PAQR5: variants seen among roughly 807,000 people sequenced by gnomAD.
The protein encoded by PAQR5 is progestin and adipoQ receptor family member 5.
Under a neutral mutation model 34.5 loss-of-function variants are expected in PAQR5, and 20 were observed. That is an observed-to-expected ratio of 0.58 (90% confidence interval 0.41 to 0.84). PAQR5 has a LOEUF of 0.84. PAQR5 is among the 40% of genes least tolerant of loss of function. The pLI is 0.00. For synonymous variants in PAQR5, 131 were observed against 155.6 expected (o/e 0.84, Z 1.18); for missense variants, 378 against 412.7 (o/e 0.92, Z 0.73).
Position 69,398,275 on chromosome 15 carries a change from G to A in PAQR5, c.609+711G>A, listed in dbSNP as rs572429040. Among the ~76,000 whole-genome samples, 3 of 152,272 alleles carry A rather than the reference G, an allele frequency of 2.0e-5. No individual in the cohort carries two copies. In the East Asian group the frequency reaches 5.8e-4, roughly 29 times the overall value. On this transcript the variant is annotated intron_variant, in intron 7 of 8. Coordinates refer to ENST00000395407, the MANE Select transcript of PAQR5 (RefSeq NM_017705.4). ...GATGGAGAGCATAAAGGAAGAGAGTGTAGGAGGGACAACAAGTAGGACTAG... is the reference window on the plus strand; with the variant it reads ...GATGGAGAGCATAAAGGAAGAGAGTATAGGAGGGACAACAAGTAGGACTAG...
rs147616653 is a variant in PAQR5 at position 69,357,068 on chromosome 15, C to T, written c.-115-2898C>T. On this transcript the variant is annotated intron_variant, in intron 2 of 8. Transcript: ENST00000395407. ...CTCCCCACCCACTGTCTCTCTCTCT[C>T]TCTTTCTCTCTTGCTCCTGCTTTCG... 5.0e-4 allele frequency among the ~76,000 whole-genome samples: 76 copies of T among 152,134 alleles called. 2 individuals are homozygous for T. In the East Asian group the frequency reaches 0.014, roughly 28 times the overall value.
chr15:69,401,022 A>C (rs921357978), intron 8 of PAQR5: 1 of 152,222 alleles, frequency 6.6e-6, no homozygotes, highest in Non-Finnish European at 1.5e-5. Flanking sequence ...TTAAGTTTGA[A>C]GTGATCTGGT....
chr15:69,348,594 T>G (rs2054832357), intron 2 of PAQR5, among the ~76,000 whole-genome samples: 1 of 152,174 alleles, frequency 6.6e-6, no homozygotes, highest in South Asian at 2.1e-4. Flanking sequence ...CTGTGAGGGT[T>G]AATTTTAGGT....
intron 3 of PAQR5, among the ~76,000 whole-genome samples, chr15:69,364,435 AAT>A (rs775777356): frequency 1.2e-4 from 16 of 133,058 alleles, no homozygotes; most frequent in African/African-American, 2.8e-4. Flanking sequence ...AAACAAAACA[AAT>A]ATATATATAT....
At chr15:69,394,727 C>A (rs2056367338) in intron 6 of PAQR5, among the ~76,000 whole-genome samples, 1 of 152,340 alleles carries the variant, frequency 6.6e-6, no homozygotes. Flanking sequence ...GGCTGTGGGG[C>A]CGCACGTGGG....
At chr15:69,300,658 CTTTCTTTCATTCTT>C (rs1216323241) in intron 1 of PAQR5, among the ~76,000 whole-genome samples, 7 of 26,836 alleles carry the variant, frequency 2.6e-4, no homozygotes, top group South Asian at 1.5e-3. Flanking sequence ...TCTTTTCTTT[CTTTCTTTCATTCTT>C]TCTCTTCCTT....
At chr15:69,355,531 C>T (rs2055054971) in intron 2 of PAQR5, among the ~76,000 whole-genome samples, 1 of 151,682 alleles carries the variant, frequency 6.6e-6, no homozygotes, top group South Asian at 2.1e-4. Context: ...AGAGAGTCCC[C>T]TGCCTCAGCC....
intron 1 of PAQR5, among the ~76,000 whole-genome samples, chr15:69,300,916 TCTC>T (rs1349520275): frequency 1.0e-4 from 1 of 10,048 alleles, no homozygotes; most frequent in African/African-American, 1.5e-4. Context: ...TTCCTTCCTT[TCTC>T]TCTCTCTCTC....
chr15:69,350,931 T>A (rs1481136191), intron 2 of PAQR5, among the ~76,000 whole-genome samples: 1 of 152,222 alleles, frequency 6.6e-6, no homozygotes, highest in Non-Finnish European at 1.5e-5. Context: ...CATGGACTGC[T>A]AGACACCGGC....
intron 2 of PAQR5, among the ~76,000 whole-genome samples, chr15:69,341,956 CT>C (rs2054655475): frequency 6.6e-6 from 1 of 151,950 alleles, no homozygotes; most frequent in Admixed American, 6.6e-5. Flanking sequence ...GTTTCAGCCC[CT>C]TTCACTTCTT....
intron 6 of PAQR5, chr15:69,391,634 C>T (rs2056275814): frequency 2.2e-6 from 1 of 455,926 alleles, no homozygotes; most frequent in Non-Finnish European, 4.4e-6. Flanking sequence ...GGACCAGTCA[C>T]TGCCCCATCT....
At chr15:69,359,542 A>T (rs2055177809) in intron 2 of PAQR5, among the ~76,000 whole-genome samples, 1 of 152,082 alleles carries the variant, frequency 6.6e-6, no homozygotes, top group South Asian at 2.1e-4. Flanking sequence ...TGGTAATTAG[A>T]TGGGAACAAA....
At chr15:69,381,801 G>T (rs187593730) in intron 4 of PAQR5, among the ~76,000 whole-genome samples, 159 of 152,288 alleles carry the variant, frequency 1.0e-3, no homozygotes, top group Middle Eastern at 3.4e-3. Flanking sequence ...TTTACTTCCC[G>T]CTGGGACAAA....
intron 1 of PAQR5, among the ~76,000 whole-genome samples, chr15:69,322,976 G>A (rs2140617922): frequency 6.7e-6 from 1 of 150,360 alleles, no homozygotes; most frequent in South Asian, 2.1e-4. Context: ...CAGGAGGGCA[G>A]GCATATGGCA....
At chr15:69,392,404 T>C (rs2056299577) in intron 6 of PAQR5, among the ~76,000 whole-genome samples, 1 of 152,208 alleles carries the variant, frequency 6.6e-6, no homozygotes, top group African/African-American at 2.4e-5. Context: ...GCCAGACATC[T>C]CCTGGGTGCC....
Position 69,361,893 on chromosome 15 carries a change from T to C in PAQR5, c.51+1762T>C, listed in dbSNP as rs150468113. On this transcript the variant is annotated intron_variant, in intron 3 of 8. Transcript: ENST00000395407. ...CAGGATTGTGGAAGTGGGGAGAGCA[T>C]TCCAGGTGGAAGGAGCAGTGTGAGC... 1.0e-3 allele frequency among the ~76,000 whole-genome samples: 153 copies of C among 151,826 alleles called. No homozygotes were observed. In the East Asian group the frequency reaches 0.025, roughly 25 times the overall value.
rs942848967 is a variant in PAQR5 at position 69,337,452 on chromosome 15, G to A, written c.-165G>A. The A allele has an allele frequency of 5.9e-5, 9 of 152,228 alleles. No individual in the cohort carries two copies. Among genetic ancestry groups the A allele is most frequent in the Non-Finnish European group, 1.0e-4 (7 of 68,038 alleles). 9.4% of individuals were successfully genotyped at this position (152,228 alleles called of 1,614,324 possible). A position where few individuals can be genotyped will look rare whatever the true frequency, so the allele number is the denominator to read the frequency against. On this transcript the variant is annotated 5_prime_UTR_variant, in exon 2 of 9. Coordinates refer to ENST00000395407, the MANE Select transcript of PAQR5 (RefSeq NM_017705.4). ...CAATTAAAGCCCTTTGGGGAATCTG[G>A]CCTCATACCTTGTCCACACAGAGTT... is the stretch of plus-strand genomic sequence containing the variant.
intron 5 of PAQR5, among the ~76,000 whole-genome samples, chr15:69,386,868 C>G (rs946224311): frequency 6.6e-6 from 1 of 152,134 alleles, no homozygotes; most frequent in African/African-American, 2.4e-5. Flanking sequence ...GCCCCTACAC[C>G]TGCTAGCCCT....
At chr15:69,348,694 C>T (rs902487965) in intron 2 of PAQR5, among the ~76,000 whole-genome samples, 5 of 150,968 alleles carry the variant, frequency 3.3e-5, no homozygotes, top group African/African-American at 9.9e-5. Flanking sequence ...TAGGTTTTTC[C>T]GATCTGATAC....
Sources: gnomAD v4.1 joint callset for allele counts (sites outside exome capture counted in the v4.1 genomes callset) on GRCh38, gnomAD v4.1.1 for gene constraint, MANE v1.5 for transcripts, NCBI Gene and HGNC (gene_info 2026-07-23, HGNC 2026-07-21) for gene names.